The following PDZRN3 variants were observed in gnomAD, a reference collection of about 807,000 sequenced individuals.
The protein encoded by PDZRN3 is PDZ domain containing ring finger 3, also known as E3 ubiquitin-protein ligase PDZRN3.
In PDZRN3, 38 loss-of-function variants were observed where a neutral mutation model predicts 85.7. The observed-to-expected ratio is 0.44, with a 90% CI of 0.34 to 0.58. The LOEUF (loss-of-function observed/expected upper bound fraction) is 0.58, where lower values mean the gene tolerates loss of function less well. PDZRN3 is among the 20% of genes least tolerant of loss of function. The probability of loss-of-function intolerance (pLI) is 0.01; values close to 1 mark genes in which losing one functional copy is unlikely to be tolerated. For synonymous variants in PDZRN3, 759 were observed against 638.0 expected, an observed-to-expected ratio of 1.19 and a Z score of -2.86; for missense variants, 1,629 against 1,506.4, an observed-to-expected ratio of 1.08 and a Z score of -1.35.
chr3:73,422,551 T>C (rs1015367535), intron 3 of PDZRN3, among the ~76,000 whole-genome samples: 1 of 152,144 alleles, frequency 6.6e-6, no homozygotes, highest in Admixed American at 6.5e-5. Flanking sequence ...AATTCAAGGA[T>C]AAAAAATACA....
chr3:73,538,769 T>C (rs1704848754), intron 3 of PDZRN3, among the ~76,000 whole-genome samples: 1 of 152,158 alleles, frequency 6.6e-6, no homozygotes, highest in South Asian at 2.1e-4. Flanking sequence ...TATACAATGA[T>C]GTAGGTAGAG....
At chr3:73,467,185 G>GCA (rs1290650696) in intron 3 of PDZRN3, among the ~76,000 whole-genome samples, 2 of 152,146 alleles carry the variant, frequency 1.3e-5, no homozygotes, top group Non-Finnish European at 2.9e-5. Context: ...CAGCTTCCAA[G>GCA]CACCATGTAC....
chr3:73,414,202 A>G (rs1488084469), intron 3 of PDZRN3, among the ~76,000 whole-genome samples: 1 of 152,228 alleles, frequency 6.6e-6, no homozygotes, highest in African/African-American at 2.4e-5. Context: ...AATCTTAGAA[A>G]GCAAATTTTG....
intron 3 of PDZRN3, among the ~76,000 whole-genome samples, chr3:73,456,419 A>C (rs1170373113): frequency 6.6e-6 from 1 of 152,272 alleles, no homozygotes; most frequent in Non-Finnish European, 1.5e-5. Flanking sequence ...ATCAAGATTT[A>C]CATTTATGGT....
chr3:73,592,721 A>G (rs1465049702), intron 3 of PDZRN3, among the ~76,000 whole-genome samples: 12 of 152,118 alleles, frequency 7.9e-5, no homozygotes, highest in Admixed American at 7.9e-4. Context: ...ATTAGAAGAA[A>G]GCAAGCTGCA....
At chr3:73,461,899 C>T (rs1703111766) in intron 3 of PDZRN3, among the ~76,000 whole-genome samples, 1 of 152,144 alleles carries the variant, frequency 6.6e-6, no homozygotes, top group Non-Finnish European at 1.5e-5. Flanking sequence ...TGTCATCTCC[C>T]AGATACTCTC....
At chr3:73,393,809 GATTT>G (rs1426234585) in intron 5 of PDZRN3, among the ~76,000 whole-genome samples, 50 of 152,220 alleles carry the variant, frequency 3.3e-4, no homozygotes, top group East Asian at 1.9e-4. Context: ...AAAACGATTA[GATTT>G]ATTTGGCCTA....
chr3:73,417,199 G>GTT (rs959381379), intron 3 of PDZRN3, among the ~76,000 whole-genome samples: 2 of 152,248 alleles, frequency 1.3e-5, no homozygotes, highest in Admixed American at 1.3e-4. Context: ...TAACTCCATC[G>GTT]TAAGTTAAGG....
intron 3 of PDZRN3, among the ~76,000 whole-genome samples, chr3:73,456,843 A>G (rs1318989991): frequency 6.6e-6 from 1 of 152,184 alleles, no homozygotes; most frequent in African/African-American, 2.4e-5. Flanking sequence ...AAATTTAGCC[A>G]GAGAGATAAA....
At chr3:73,599,781 C>T (rs1203668268) in intron 3 of PDZRN3, among the ~76,000 whole-genome samples, 1 of 152,228 alleles carries the variant, frequency 6.6e-6, no homozygotes, top group Non-Finnish European at 1.5e-5. Context: ...CAGCAGATGC[C>T]TCTTGTATCT....
At chr3:73,487,334 A>G (rs1226548435) in intron 3 of PDZRN3, among the ~76,000 whole-genome samples, 1 of 152,164 alleles carries the variant, frequency 6.6e-6, no homozygotes, top group African/African-American at 2.4e-5. Context: ...GAAGCAAATG[A>G]TTTTTTACCT....
intron 3 of PDZRN3, among the ~76,000 whole-genome samples, chr3:73,456,221 C>CGT (rs1559689054): frequency 1.9e-4 from 29 of 151,528 alleles, no homozygotes; most frequent in African/African-American, 7.0e-4. Context: ...TGTGTGCGCG[C>CGT]GTGCGCTTCT....
At chr3:73,523,790 T>A (rs1041593281) in intron 3 of PDZRN3, among the ~76,000 whole-genome samples, 1 of 152,140 alleles carries the variant, frequency 6.6e-6, no homozygotes, top group African/African-American at 2.4e-5. Flanking sequence ...TGCTCAGATG[T>A]CCTTGGCCAC....
chr3:73,498,349 T>C (rs1703907764), intron 3 of PDZRN3, among the ~76,000 whole-genome samples: 2 of 152,278 alleles, frequency 1.3e-5, no homozygotes, highest in South Asian at 4.1e-4. Context: ...TGGGGGACAG[T>C]TGGTAGTATG....
intron 3 of PDZRN3, chr3:73,561,311 T>A (rs1656887083): frequency 2.0e-5 from 3 of 152,224 alleles, no homozygotes; most frequent in Non-Finnish European, 4.4e-5. Flanking sequence ...GCTCACCCCC[T>A]CTTAGACAAA....
At chr3:73,449,707 A>C (rs1241628332) in intron 3 of PDZRN3, among the ~76,000 whole-genome samples, 2 of 152,254 alleles carry the variant, frequency 1.3e-5, no homozygotes, top group African/African-American at 4.8e-5. Flanking sequence ...TTTAATTAAA[A>C]CAGGCTAGAA....
intron 3 of PDZRN3, among the ~76,000 whole-genome samples, chr3:73,600,337 A>ACTCTCTCTCT (rs1553706426): frequency 0.078 from 7,830 of 99,972 alleles, 400 homozygotes; most frequent in Admixed American, 0.13. Context: ...ACACACACAC[A>ACTCTCTCTCT]CTCTCTCTCT....
At chr3:73,424,432 T>TCTTC (rs1340090782) in intron 3 of PDZRN3, among the ~76,000 whole-genome samples, 1 of 133,012 alleles carries the variant, frequency 7.5e-6, no homozygotes, top group African/African-American at 2.9e-5. Flanking sequence ...TCCCAGCTAC[T>TCTTC]CGGAAGGCTG....
At chr3:73,387,921 G>A in intron 8 of PDZRN3, 47 bp downstream of exon 8, 1 of 908,480 alleles carries the variant, frequency 1.1e-6, no homozygotes, top group Non-Finnish European at 1.7e-6. Flanking sequence ...GGGATCTTTT[G>A]ATTTTAGAAA....
Sources: allele counts gnomAD v4.1 joint callset (sites outside exome capture counted in the v4.1 genomes callset), GRCh38; gene constraint gnomAD v4.1.1; transcripts MANE v1.5; gene names NCBI Gene and HGNC (gene_info 2026-07-23, HGNC 2026-07-21).